Variants in CNTN6 observed in about 807,000 individuals in gnomAD.
CNTN6 encodes contactin 6.
A neutral mutation model predicts 122.8 loss-of-function variants in CNTN6; 137 were observed. That is an observed-to-expected ratio of 1.12 (90% CI 0.97 to 1.29). The LOEUF (loss-of-function observed/expected upper bound fraction) is 1.29. Ranked by LOEUF, CNTN6 falls within the 50% of genes most tolerant of loss-of-function variation. CNTN6 has a pLI of 0.00. For missense variants in CNTN6, 1,634 were observed against 1,223.4 expected (o/e 1.34, Z -5.01); for synonymous variants, 570 against 426.0 (o/e 1.34, Z -4.16).
At chr3:1,330,094 A>G (rs1009558624) in intron 11 of CNTN6, among the ~76,000 whole-genome samples, 159 bp downstream of exon 11, 1 of 151,926 alleles carries the variant, frequency 6.6e-6, no homozygotes, top group African/African-American at 2.4e-5. Context: ...TAAAATTGTA[A>G]AAAACAAAAG....
chr3:1,248,641 G>A (rs1270285757), intron 4 of CNTN6, among the ~76,000 whole-genome samples: 2 of 152,084 alleles, frequency 1.3e-5, no homozygotes, highest in Non-Finnish European at 1.5e-5. Flanking sequence ...CCAACATGGT[G>A]AAACTCTGTC....
intron 2 of CNTN6, among the ~76,000 whole-genome samples, chr3:1,185,298 G>A (rs1161015264): frequency 2.0e-5 from 3 of 152,052 alleles, no homozygotes; most frequent in Non-Finnish European, 4.4e-5. Context: ...TTTACACTTA[G>A]AGATTCTTAT....
chr3:1,123,965 A>G (rs1162829860), intron 1 of CNTN6, among the ~76,000 whole-genome samples: 1 of 151,902 alleles, frequency 6.6e-6, no homozygotes, highest in Non-Finnish European at 1.5e-5. Context: ...TCTCCCCTTC[A>G]TTCTATTAAG....
At chr3:1,258,037 T>C (rs2094787920) in intron 4 of CNTN6, among the ~76,000 whole-genome samples, 1 of 152,158 alleles carries the variant, frequency 6.6e-6, no homozygotes, top group Non-Finnish European at 1.5e-5. Flanking sequence ...CCCCTCTGCA[T>C]TTCCTATATC....
chr3:1,267,766 A>G (rs1291210342), intron 4 of CNTN6, among the ~76,000 whole-genome samples: 1 of 152,204 alleles, frequency 6.6e-6, no homozygotes, highest in African/African-American at 2.4e-5. Flanking sequence ...CGTCCTGGGA[A>G]TAATGAATTC....
chr3:1,151,943 T>C (rs2092852442), intron 2 of CNTN6, among the ~76,000 whole-genome samples: 2 of 152,148 alleles, frequency 1.3e-5, no homozygotes, highest in African/African-American at 4.8e-5. Flanking sequence ...ACTAAGAACG[T>C]TTATTCTCAG....
chr3:1,301,867 T>G (rs1052089876), intron 7 of CNTN6, among the ~76,000 whole-genome samples: 7 of 152,146 alleles, frequency 4.6e-5, no homozygotes, highest in African/African-American at 1.7e-4. Flanking sequence ...CAAATGTGAG[T>G]TACTACCAAA....
intron 1 of CNTN6, among the ~76,000 whole-genome samples, chr3:1,111,078 G>A (rs563056105): frequency 6.6e-6 from 1 of 152,314 alleles, no homozygotes; most frequent in South Asian, 2.1e-4. Flanking sequence ...GGAGGATTAA[G>A]TGAGATTATT....
At chr3:1,394,078 G>C (rs560313698) in intron 20 of CNTN6, 1 of 161,642 alleles carries the variant, frequency 6.2e-6, no homozygotes, top group East Asian at 1.9e-4. Flanking sequence ...GGGACAGATG[G>C]AGGAGAGGGG....
In CNTN6 at chr3:1,295,754, C is replaced by T. The variant is rs747291854; in HGVS notation, c.608C>T (p.Ala203Val). The T allele has an allele frequency of 3.1e-6, 5 of 1,613,998 alleles. No homozygotes were observed. The highest frequency in any genetic ancestry group is 4.2e-6 in the Non-Finnish European group (5 of 1,179,912). The change falls in exon 6 of 23, where the codon GCC (alanine) becomes GTC (valine). Residue 203 changes from alanine to valine, a missense_variant. Coordinates refer to ENST00000446702, the MANE Select transcript of CNTN6 (RefSeq NM_001289080.2). The stretch of plus-strand genomic sequence containing the variant: ...ACTTGCTTTATAACTAACAAAGAGG[C>T]CCAGAGAAGTGTTCAAGGTCCACCC... ...NYTCFITNKE[A>V]QRSVQGPPTP...
At chr3:1,248,537 A>G (rs2094612365) in intron 4 of CNTN6, among the ~76,000 whole-genome samples, 1 of 152,296 alleles carries the variant, frequency 6.6e-6, no homozygotes, top group South Asian at 2.1e-4. Context: ...GCCCAAGGAC[A>G]TCAAGAAATA....
At chr3:1,242,531 G>T (rs1421290094) in intron 4 of CNTN6, among the ~76,000 whole-genome samples, 1 of 152,192 alleles carries the variant, frequency 6.6e-6, no homozygotes, top group Non-Finnish European at 1.5e-5. Context: ...TCCTTTGAAA[G>T]CGTGCTGTGG....
intron 1 of CNTN6, among the ~76,000 whole-genome samples, chr3:1,130,163 C>T (rs2092298039): frequency 6.6e-6 from 1 of 151,938 alleles, no homozygotes; most frequent in South Asian, 2.1e-4. Flanking sequence ...TGCCAAAGTC[C>T]AATCTTTACA....
chr3:1,210,746 C>T (rs55814767), intron 2 of CNTN6, among the ~76,000 whole-genome samples: 25,165 of 152,160 alleles, frequency 0.17, 2,626 homozygotes, highest in African/African-American at 0.29. Flanking sequence ...GGTTCAACTA[C>T]ATCATTTGCA....
intron 2 of CNTN6, among the ~76,000 whole-genome samples, chr3:1,156,714 T>C (rs2092976567): frequency 6.7e-6 from 1 of 149,668 alleles, no homozygotes; most frequent in Non-Finnish European, 1.5e-5. Flanking sequence ...CCTTCCTTCT[T>C]CTTTCTTTTT....
At chr3:1,330,598 A>G (rs2068323) in intron 11 of CNTN6, among the ~76,000 whole-genome samples, 4,751 of 152,010 alleles carry the variant, frequency 0.031, 126 homozygotes, top group South Asian at 0.057. Flanking sequence ...CTCTCTTTTA[A>G]TGACTCACAT....
chr3:1,279,041 A>G (rs1031139833), intron 5 of CNTN6, among the ~76,000 whole-genome samples: 1 of 152,206 alleles, frequency 6.6e-6, no homozygotes, highest in African/African-American at 2.4e-5. Context: ...GCAAATTCCA[A>G]CTAACACTCC....
rs1209211449 is a variant in CNTN6 at position 1,321,642 on chromosome 3, C to A, written c.762-8C>A. On this transcript the variant is annotated splice_polypyrimidine_tract_variant and splice_region_variant and intron_variant, in intron 7 of 22. Transcript: ENST00000446702. Reference sequence around the variant, plus strand: ...CGTCTTCTATTCTAATGAGGTGTAACTGTTTAGTCCAGTCCCCGATATTAG... The same window carrying A: ...CGTCTTCTATTCTAATGAGGTGTAAATGTTTAGTCCAGTCCCCGATATTAG... 6.2e-7 allele frequency: 1 copy of A among 1,604,634 alleles called. No individual in the cohort carries two copies. Among genetic ancestry groups the A allele is most frequent in the Non-Finnish European group, 8.5e-7 (1 of 1,175,588 alleles).
chr3:1,386,872 ATAAAGTTATAT>A (rs1053979529), intron 20 of CNTN6, among the ~76,000 whole-genome samples: 3 of 152,194 alleles, frequency 2.0e-5, no homozygotes, highest in African/African-American at 7.2e-5. Flanking sequence ...GAGTTTGAAA[ATAAAGTTATAT>A]TAAAGTTATT....
Sources: allele counts gnomAD v4.1 joint callset (sites outside exome capture counted in the v4.1 genomes callset), GRCh38; gene constraint gnomAD v4.1.1; transcripts MANE v1.5; gene names NCBI Gene and HGNC (gene_info 2026-07-23, HGNC 2026-07-21).